Variants in PAK5 observed in about 807,000 individuals in gnomAD.
The protein encoded by PAK5 is p21 (RAC1) activated kinase 5.
In PAK5, 16 loss-of-function variants were observed where a neutral mutation model predicts 65.9. The observed-to-expected ratio is 0.24, with a 90% CI of 0.16 to 0.37. The LOEUF is 0.37. PAK5 is among the 10% of genes least tolerant of loss of function. The probability of loss-of-function intolerance (pLI) is 1.00; values close to 1 mark genes in which losing one functional copy is unlikely to be tolerated. For synonymous variants in PAK5, 371 were observed against 354.9 expected (o/e 1.05, Z -0.51); for missense variants, 785 against 903.9 (o/e 0.87, Z 1.69).
At chr20:9,605,340 C>A (rs6077568) in intron 3 of PAK5, among the ~76,000 whole-genome samples, 22 of 152,122 alleles carry the variant, frequency 1.4e-4, no homozygotes, top group African/African-American at 4.8e-4. Context: ...ACCAAAGCTG[C>A]AGGTAAACTC....
At chr20:9,625,416 G>A (rs1004915217) in intron 3 of PAK5, among the ~76,000 whole-genome samples, 3 of 152,164 alleles carry the variant, frequency 2.0e-5, no homozygotes, top group African/African-American at 4.8e-5. Flanking sequence ...GAAGCTATGC[G>A]CCATGCTGGG....
intron 1 of PAK5, among the ~76,000 whole-genome samples, chr20:9,768,230 CAG>C (rs1256471331): frequency 6.6e-6 from 1 of 151,724 alleles, no homozygotes; most frequent in Non-Finnish European, 1.5e-5. Flanking sequence ...ATTTTAGACA[CAG>C]GGGTACACGT....
chr20:9,625,378 T>C (rs2046829867), intron 3 of PAK5, among the ~76,000 whole-genome samples: 2 of 152,212 alleles, frequency 1.3e-5, no homozygotes, highest in South Asian at 4.1e-4. Flanking sequence ...ACTTCAAATA[T>C]GAGCCACTTT....
intron 1 of PAK5, among the ~76,000 whole-genome samples, chr20:9,790,549 AG>A (rs1371947130): frequency 1.3e-5 from 2 of 152,154 alleles, no homozygotes; most frequent in African/African-American, 4.8e-5. Context: ...TCTGTTGACC[AG>A]GCTGTAGTAC....
chr20:9,701,503 C>T (rs895601068), intron 2 of PAK5, among the ~76,000 whole-genome samples: 6 of 152,092 alleles, frequency 3.9e-5, no homozygotes, highest in Non-Finnish European at 7.4e-5. Context: ...AAGAATACCC[C>T]TCTGATTCAT....
At chr20:9,551,601 G>C (rs892160137) in intron 7 of PAK5, among the ~76,000 whole-genome samples, 5 of 152,176 alleles carry the variant, frequency 3.3e-5, no homozygotes, top group African/African-American at 1.2e-4. Context: ...CCCTTGCTCT[G>C]TAAACTGCAT....
chr20:9,684,476 T>G lies in PAK5; in HGVS notation c.-12+26810A>C, dbSNP rs575026520. ...TTCAAGGAAGGGCAGTATTCAAGGT[T>G]TAGAAACGTGCAGAAAAAAGCTATT... On this transcript the variant is annotated intron_variant, in intron 2 of 9. Transcript: ENST00000353224. Among the ~76,000 whole-genome samples the G allele has an allele frequency of 3.3e-5, 5 of 152,306 alleles. No homozygotes were observed. The East Asian group carries it at 7.7e-4, about 24-fold the overall frequency.
At chr20:9,564,576 AC>A (rs1278139285) in intron 5 of PAK5, among the ~76,000 whole-genome samples, 2 of 152,208 alleles carry the variant, frequency 1.3e-5, no homozygotes, top group East Asian at 3.8e-4. Flanking sequence ...TGAAGGTGAA[AC>A]AATACTATTG....
At position 9,563,028 on chromosome 20, in the gene PAK5, G is replaced by A. The variant is rs2045615882; in HGVS notation, c.1483-4C>T. 2 of 1,612,168 alleles carry A rather than the reference G, an allele frequency of 1.2e-6. No homozygotes were observed. Among genetic ancestry groups the A allele is most frequent in the Non-Finnish European group, 8.5e-7 (1 of 1,179,054 alleles). ...GGTAATCCCGCATGATCACGACCTG[G>A]GGAAACGGGAAATATACTTTTGACT... On this transcript the variant is annotated splice_region_variant and splice_polypyrimidine_tract_variant and intron_variant, in intron 5 of 9. Transcript: ENST00000353224.
intron 1 of PAK5, among the ~76,000 whole-genome samples, chr20:9,773,823 A>G (rs1286809092): frequency 1.3e-5 from 2 of 152,188 alleles, no homozygotes; most frequent in African/African-American, 4.8e-5. Context: ...GGTGAAGAAA[A>G]CAAGGCTTGA....
intron 3 of PAK5, among the ~76,000 whole-genome samples, chr20:9,615,777 C>T (rs2046644947): frequency 6.6e-6 from 1 of 152,166 alleles, no homozygotes; most frequent in Non-Finnish European, 1.5e-5. Flanking sequence ...GGGGCTGCAG[C>T]CACCTGAGGG....
intron 1 of PAK5, among the ~76,000 whole-genome samples, chr20:9,823,100 A>G (rs1485323956): frequency 6.6e-6 from 1 of 152,204 alleles, no homozygotes; most frequent in Non-Finnish European, 1.5e-5. Context: ...TAGTGTCCTT[A>G]TAAGAAAAGC....
intron 2 of PAK5, among the ~76,000 whole-genome samples, chr20:9,673,599 A>T (rs1423764808): frequency 6.6e-6 from 1 of 152,250 alleles, no homozygotes; most frequent in African/African-American, 2.4e-5. Context: ...AGATGTCAAC[A>T]GTATTTATAA....
chr20:9,733,455 T>G (rs539891415), intron 1 of PAK5, among the ~76,000 whole-genome samples: 1 of 152,158 alleles, frequency 6.6e-6, no homozygotes, highest in East Asian at 1.9e-4. Context: ...TTTCTCTCTT[T>G]CTATCTTTTG....
chr20:9,572,769 A>G (rs1046220415), intron 4 of PAK5, among the ~76,000 whole-genome samples: 2 of 152,214 alleles, frequency 1.3e-5, no homozygotes, highest in African/African-American at 4.8e-5. Flanking sequence ...AGGGTGGGAA[A>G]CTGCAATGTA....
In PAK5 at chr20:9,580,410, G is replaced by T. The variant is rs765805039; in HGVS notation, c.725C>A (p.Thr242Asn). Residue 242 changes from threonine to asparagine, a missense_variant, in exon 4 of 10, where the codon ACC becomes AAC. Around this residue, in one of 4 missense-constraint regions of PAK5, gnomAD observed 422 missense variants for 413.3 expected, o/e 1.02. Transcript: ENST00000353224. ...FQFTPSRTAG[T>N]SGCSKESLAY... Reference sequence around the variant, plus strand: ...CAGGCTCTCCTTGGAGCACCCGCTGGTCCCTGCAGTTCTAGAAGGTGTGAA... The same window carrying T: ...CAGGCTCTCCTTGGAGCACCCGCTGTTCCCTGCAGTTCTAGAAGGTGTGAA... 1.5e-5 allele frequency: 25 copies of T among 1,613,918 alleles called. No homozygotes were observed. Among genetic ancestry groups the T allele is most frequent in the Middle Eastern group, 1.6e-4 (1 of 6,084 alleles).
intron 1 of PAK5, among the ~76,000 whole-genome samples, chr20:9,740,154 G>A (rs148047461): frequency 6.6e-6 from 1 of 152,278 alleles, no homozygotes; most frequent in East Asian, 1.9e-4. Flanking sequence ...GACTTTAACA[G>A]CAAACACCTT....
intron 6 of PAK5, among the ~76,000 whole-genome samples, chr20:9,560,759 A>G (rs1453405858): frequency 6.6e-6 from 1 of 152,240 alleles, no homozygotes; most frequent in African/African-American, 2.4e-5. Context: ...CATGATTAAC[A>G]TATGAAGAGC....
intron 1 of PAK5, among the ~76,000 whole-genome samples, chr20:9,758,632 A>G (rs1284607809): frequency 6.6e-6 from 1 of 152,170 alleles, no homozygotes; most frequent in Admixed American, 6.5e-5. Flanking sequence ...GAAATTGGCC[A>G]TGGTATTTAG....
Sources: gnomAD v4.1 joint callset for allele counts (sites outside exome capture counted in the v4.1 genomes callset) on GRCh38, gnomAD v4.1.1 for gene constraint, gnomAD v4.1.1 regional missense constraint, MANE v1.5 for transcripts, NCBI Gene and HGNC (gene_info 2026-07-23, HGNC 2026-07-21) for gene names.